Variants in RNLS observed in about 807,000 individuals in gnomAD.
The protein encoded by RNLS is renalase, FAD dependent amine oxidase.
RNLS carries 39 observed loss-of-function variants against 39.8 expected under a neutral mutation model. The observed-to-expected ratio is 0.98, with a 90% confidence interval of 0.76 to 1.28. RNLS has a LOEUF of 1.28. RNLS is among the 50% of genes most tolerant of loss of function. RNLS has a pLI of 0.00. For synonymous variants in RNLS, 147 were observed against 150.7 expected, an observed-to-expected ratio of 0.98 and a Z score of 0.18; for missense variants, 410 against 413.3, an observed-to-expected ratio of 0.99 and a Z score of 0.07.
chr10:88,450,426 A>G (rs10887823), intron 4 of RNLS, among the ~76,000 whole-genome samples: 109,132 of 152,126 alleles, frequency 0.72, 40,468 homozygotes, highest in African/African-American at 0.92. Flanking sequence ...CTCAGGTCAG[A>G]CTCACAGGAT....
intron 5 of RNLS, among the ~76,000 whole-genome samples, chr10:88,339,905 G>A (rs1261573722): frequency 6.6e-6 from 1 of 152,248 alleles, no homozygotes; most frequent in East Asian, 1.9e-4. Context: ...AGGCAGACCT[G>A]TGAGGCAGAT....
intron 4 of RNLS, among the ~76,000 whole-genome samples, chr10:88,408,712 CTTT>C (rs1428690680): frequency 6.6e-6 from 1 of 151,858 alleles, no homozygotes; most frequent in African/African-American, 2.4e-5. Flanking sequence ...TTATAAACTT[CTTT>C]GTTTCAAGCA....
the RNLS span, among the ~76,000 whole-genome samples, chr10:88,217,865 A>C: frequency 1.5e-4 from 23 of 151,854 alleles, no homozygotes; most frequent in African/African-American, 5.5e-4. Context: ...CATGGTGAAA[A>C]CCCATCTCTA....
At chr10:88,554,456 G>C (rs1313141957) in intron 4 of RNLS, among the ~76,000 whole-genome samples, 1 of 151,914 alleles carries the variant, frequency 6.6e-6, no homozygotes, top group Non-Finnish European at 1.5e-5. Flanking sequence ...TTTGAATTGA[G>C]TCTTAGTGCT....
At chr10:88,566,630 A>G (rs1460715533) in intron 4 of RNLS, among the ~76,000 whole-genome samples, 2 of 152,206 alleles carry the variant, frequency 1.3e-5, no homozygotes, top group African/African-American at 2.4e-5. Context: ...GGAAGGGGCC[A>G]AAAGGAACTC....
At chr10:88,409,331 G>A (rs1279151859) in intron 4 of RNLS, among the ~76,000 whole-genome samples, 1 of 152,106 alleles carries the variant, frequency 6.6e-6, no homozygotes, top group African/African-American at 2.4e-5. Context: ...CGTTAAACAT[G>A]CATTTCTCCA....
chr10:88,290,906 C>A (rs920119074), intron 6 of RNLS, among the ~76,000 whole-genome samples: 1 of 152,120 alleles, frequency 6.6e-6, no homozygotes, highest in African/African-American at 2.4e-5. Context: ...TTTTTCTCTT[C>A]ACTGGGAAAG....
intron 5 of RNLS, among the ~76,000 whole-genome samples, chr10:88,339,986 C>A (rs1047297794): frequency 6.6e-5 from 10 of 152,298 alleles, no homozygotes; most frequent in African/African-American, 2.2e-4. Context: ...ATTTCTATAT[C>A]ACATGGCGTT....
intron 4 of RNLS, among the ~76,000 whole-genome samples, chr10:88,486,740 G>T (rs1194536177): frequency 6.6e-6 from 1 of 152,054 alleles, no homozygotes. Flanking sequence ...CAGAGAAAAG[G>T]GAACACTTAT....
At chr10:88,548,622 A>C (rs989672402) in intron 4 of RNLS, among the ~76,000 whole-genome samples, 14 of 145,010 alleles carry the variant, frequency 9.7e-5, no homozygotes, top group African/African-American at 3.6e-4. Flanking sequence ...CTGGGTGACG[A>C]AGCGAGACTC....
At chr10:88,575,799 C>T (rs960610025) in intron 3 of RNLS, among the ~76,000 whole-genome samples, 2 of 110,334 alleles carry the variant, frequency 1.8e-5, no homozygotes, top group Non-Finnish European at 3.7e-5. Flanking sequence ...GGCTTCCCAT[C>T]GCACTTAGAG....
rs141955704 is a variant in RNLS, at chr10:88,488,724, C to G, written c.526+84179G>C. 9.0e-4 allele frequency among the ~76,000 whole-genome samples: 136 copies of G among 151,864 alleles called. 1 individual carries two copies. The highest frequency in any genetic ancestry group is 1.9e-3 in the Admixed American group (29 of 15,246). ...CTAATAGAGCAAAAGTGCCAGAAGC[C>G]AAATTTTCCGTGATTACAGTCACAG... On this transcript the variant is annotated intron_variant, in intron 4 of 6. Transcript: ENST00000331772.
the RNLS span, among the ~76,000 whole-genome samples, chr10:88,222,325 A>G: frequency 4.4e-4 from 67 of 152,272 alleles, no homozygotes; most frequent in African/African-American, 1.4e-3. Context: ...GGGACATGTC[A>G]TTCTGTGTTA....
chr10:88,401,729 T>C (rs759743592), intron 4 of RNLS, among the ~76,000 whole-genome samples: 1 of 151,984 alleles, frequency 6.6e-6, no homozygotes, highest in African/African-American at 2.4e-5. Flanking sequence ...TCTACAAAAA[T>C]AGAACAACTA....
the RNLS span, among the ~76,000 whole-genome samples, chr10:88,174,603 A>C: frequency 4.1e-4 from 63 of 152,230 alleles, no homozygotes; most frequent in African/African-American, 1.4e-3. Flanking sequence ...TTCCTGAGTT[A>C]AATCTCACCC....
chr10:88,259,666 T>C, the RNLS span, among the ~76,000 whole-genome samples: 1 of 152,184 alleles, frequency 6.6e-6, no homozygotes, highest in African/African-American at 2.4e-5. Flanking sequence ...ATGCAAATTT[T>C]TTCCAAGTAT....
chr10:88,552,921 TTAAG>T (rs1160527833), intron 4 of RNLS, among the ~76,000 whole-genome samples: 2 of 152,212 alleles, frequency 1.3e-5, no homozygotes, highest in African/African-American at 4.8e-5. Context: ...TCACAATTTA[TTAAG>T]TTAGATATGT....
chr10:88,304,848 G>A (rs1038889360), intron 6 of RNLS, among the ~76,000 whole-genome samples: 5 of 152,062 alleles, frequency 3.3e-5, no homozygotes, highest in African/African-American at 4.8e-5. Context: ...GAGAACCCTA[G>A]TAAGATACTT....
chr10:88,481,564 A>G (rs1844171125), intron 4 of RNLS, among the ~76,000 whole-genome samples: 2 of 152,292 alleles, frequency 1.3e-5, no homozygotes, highest in East Asian at 1.9e-4. Context: ...GTCGTGAAAC[A>G]TAGAAAATCT....
Sources: gnomAD v4.1 joint callset for allele counts (sites outside exome capture counted in the v4.1 genomes callset) on GRCh38, gnomAD v4.1.1 for gene constraint, MANE v1.5 for transcripts, NCBI Gene and HGNC (gene_info 2026-07-23, HGNC 2026-07-21) for gene names.